Variants in HSD11B1 observed in about 807,000 individuals in gnomAD.
HSD11B1 encodes hydroxysteroid 11-beta dehydrogenase 1.
A neutral mutation model predicts 22.1 loss-of-function variants in HSD11B1; 15 were observed. That is an observed-to-expected ratio of 0.68 (90% CI 0.45 to 1.04). The LOEUF (loss-of-function observed/expected upper bound fraction) is 1.04. Among genes scored for constraint, HSD11B1 ranks in the 50% least tolerant of loss-of-function variants. HSD11B1 has a pLI of 0.00. For synonymous variants in HSD11B1, 122 were observed against 125.2 expected (o/e 0.97, Z 0.17); for missense variants, 281 against 357.6 (o/e 0.79, Z 1.73).
chr1:209,720,739 T>C (rs937796506), intron 4 of HSD11B1, among the ~76,000 whole-genome samples: 3 of 152,104 alleles, frequency 2.0e-5, no homozygotes, highest in Admixed American at 2.0e-4. Context: ...AAGGATATTA[T>C]TGGCACACAT....
chr1:209,703,316 G>A (rs1294902970), upstream of HSD11B1, among the ~76,000 whole-genome samples: 2 of 151,960 alleles, frequency 1.3e-5, no homozygotes, highest in African/African-American at 2.4e-5. Context: ...CCTTATCTGG[G>A]TTCTGGCTGG....
At chr1:209,705,979 A>G (rs373588076) in intron 2 of HSD11B1, 38 bp downstream of exon 2, 3 of 1,612,680 alleles carry the variant, frequency 1.9e-6, no homozygotes, top group Admixed American at 1.7e-5. Flanking sequence ...GTACCGTCAC[A>G]TGCTCAGATG....
Position 209,707,113 on chromosome 1 carries a change from G to A in HSD11B1, c.502G>A (p.Val168Ile), listed in dbSNP as rs145237704. 2.9e-5 allele frequency: 46 copies of A among 1,613,764 alleles called. No individual in the cohort carries two copies. Among genetic ancestry groups the A allele is most frequent in the Middle Eastern group, 1.6e-4 (1 of 6,082 alleles). Residue 168 changes from valine to isoleucine, a missense_variant, in exon 4 of 6, where the codon GTC (valine) becomes ATC (isoleucine). Physicochemically the swap from Val to Ile is conservative, Grantham distance 29. Coordinates refer to ENST00000367027, the MANE Select transcript of HSD11B1 (RefSeq NM_005525.4). Reference protein sequence around the residue: ...LKQSNGSIVVVSSLAGKVAYP... With the variant: ...LKQSNGSIVVISSLAGKVAYP... The stretch of plus-strand genomic sequence containing the variant: ...GCAGAGCAATGGAAGCATTGTTGTC[G>A]TCTCCTCTCTGGCTGGTAAGTGGGA...
Position 209,734,515 on chromosome 1 carries a change from C to T in HSD11B1, c.873C>T (p.Asn291=), listed in dbSNP as rs894439367. 1 of 1,610,660 alleles carries T rather than the reference C, an allele frequency of 6.2e-7. No individual in the cohort carries two copies. Among genetic ancestry groups the T allele is most frequent in the African/African-American group, 1.3e-5 (1 of 74,846 alleles). The change falls in exon 6 of 6, where the codon AAC becomes AAT. Residue 291 remains asparagine, a synonymous_variant. Coordinates refer to ENST00000367027, the MANE Select transcript of HSD11B1 (RefSeq NM_005525.4). ...GCTATAATATGGACAGATTCATAAA[C>T]AAGTAGGAACTCCCTGAGGGCTGGG... ...STSYNMDRFI[N]K
upstream of HSD11B1, among the ~76,000 whole-genome samples, chr1:209,701,144 C>G (rs1221178549): frequency 6.6e-6 from 1 of 152,152 alleles, no homozygotes; most frequent in Non-Finnish European, 1.5e-5. Flanking sequence ...CCACTCTACT[C>G]GTACCAATTT....
chr1:209,717,871 CAAAAAA>C (rs1015577238), intron 4 of HSD11B1, among the ~76,000 whole-genome samples: 1 of 39,626 alleles, frequency 2.5e-5, no homozygotes, highest in African/African-American at 7.7e-5. Flanking sequence ...GACTCCATCT[CAAAAAA>C]AAAAAAAAAA....
intron 1 of HSD11B1, among the ~76,000 whole-genome samples, chr1:209,690,057 T>C (rs760952): frequency 0.77 from 117,385 of 152,160 alleles, 46,580 homozygotes; most frequent in Non-Finnish European, 0.87. Context: ...GTCTCATGCC[T>C]ATAATCCCAG....
chr1:209,724,783 T>C (rs968929435), intron 4 of HSD11B1, among the ~76,000 whole-genome samples: 5 of 152,212 alleles, frequency 3.3e-5, no homozygotes, highest in Admixed American at 6.5e-5. Context: ...AACACACTTG[T>C]GAATAGAAAT....
chr1:209,700,233 C>A (rs1388714144), upstream of HSD11B1, among the ~76,000 whole-genome samples: 1 of 152,234 alleles, frequency 6.6e-6, no homozygotes, highest in Non-Finnish European at 1.5e-5. Flanking sequence ...GAGGGCCCTG[C>A]CCTGCAGAAA....
intron 1 of HSD11B1, among the ~76,000 whole-genome samples, chr1:209,692,258 A>G (rs1329501512): frequency 6.6e-6 from 1 of 152,150 alleles, no homozygotes; most frequent in Non-Finnish European, 1.5e-5. Context: ...GTTACTTTAG[A>G]ATCACCTGGG....
At chr1:209,687,741 G>T (rs12565406) in intron 1 of HSD11B1, among the ~76,000 whole-genome samples, 9,478 of 152,204 alleles carry the variant, frequency 0.062, 376 homozygotes, top group South Asian at 0.12. Flanking sequence ...CATAAACACC[G>T]CAGCTGCTGA....
At chr1:209,701,205 G>A (rs1038581011), upstream of HSD11B1, among the ~76,000 whole-genome samples, 1 of 152,140 alleles carries the variant, frequency 6.6e-6, no homozygotes, top group African/African-American at 2.4e-5. Flanking sequence ...CCGAAACCAG[G>A]ATCAAAGAGA....
At chr1:209,688,387 T>C (rs1466398337) in intron 1 of HSD11B1, among the ~76,000 whole-genome samples, 1 of 152,200 alleles carries the variant, frequency 6.6e-6, no homozygotes, top group Non-Finnish European at 1.5e-5. Flanking sequence ...CCTATTATAG[T>C]ATACATCACG....
At chr1:209,719,900 T>C (rs758264384) in intron 4 of HSD11B1, among the ~76,000 whole-genome samples, 6 of 152,172 alleles carry the variant, frequency 3.9e-5, no homozygotes, top group Non-Finnish European at 8.8e-5. Flanking sequence ...TTATAATCCT[T>C]TGGGTATATA....
intron 1 of HSD11B1, among the ~76,000 whole-genome samples, chr1:209,705,389 A>G (rs930609768): frequency 6.6e-6 from 1 of 151,568 alleles, no homozygotes; most frequent in Admixed American, 6.6e-5. Context: ...AAAAAAAAAA[A>G]AAACTGGAGA....
intron 5 of HSD11B1, 97 bp from the exon 6 acceptor site, chr1:209,734,207 A>C: frequency 1.1e-6 from 1 of 932,194 alleles, no homozygotes; most frequent in Non-Finnish European, 1.7e-6. Context: ...AAACACTGCC[A>C]AAAGCCCCTG....
In HSD11B1 at chr1:209,734,630, G is replaced by C; in HGVS notation, c.*109G>C. 3.5e-6 allele frequency: 3 copies of C among 854,878 alleles called. No homozygotes were observed. The highest frequency in any genetic ancestry group is 2.5e-5 in the East Asian group (1 of 39,452). The allele number at this position is 854,878 out of a possible 1,614,324, so 53.0% of individuals were successfully genotyped here. On this transcript the variant is annotated 3_prime_UTR_variant, in exon 6 of 6. Transcript: ENST00000367027. ...CTTCCCAGAGTGTCCCCAGAGACAT[G>C]CAAGTCATGGGTCACACCTGACAAA...
intron 5 of HSD11B1, 96 bp downstream of exon 5, chr1:209,732,675 T>G: frequency 1.9e-6 from 2 of 1,036,628 alleles, no homozygotes; most frequent in Non-Finnish European, 3.0e-6. Flanking sequence ...TGTATGCATG[T>G]GCCATGTTGG....
Position 209,717,127 on chromosome 1 carries a change from G to A in HSD11B1, c.517+9999G>A, listed in dbSNP as rs532254344. Among the ~76,000 whole-genome samples the A allele has an allele frequency of 1.1e-4, 16 of 152,240 alleles. No individual in the cohort carries two copies. In the South Asian group the frequency reaches 1.9e-3, roughly 18 times the overall value. On this transcript the variant is annotated intron_variant, in intron 4 of 5. Coordinates refer to ENST00000367027, the MANE Select transcript of HSD11B1 (RefSeq NM_005525.4). ...AGAGTGAAAAGACCACCTGTTTAAC[G>A]GGAGAAAATATTTGCAAAATATTCA...
Sources: allele counts gnomAD v4.1 joint callset (sites outside exome capture counted in the v4.1 genomes callset), GRCh38; gene constraint gnomAD v4.1.1; transcripts MANE v1.5; gene names NCBI Gene and HGNC (gene_info 2026-07-23, HGNC 2026-07-21).